The following MSI2 variants were observed in gnomAD, a reference collection of about 807,000 sequenced individuals.
The protein encoded by MSI2 is RNA-binding protein Musashi homolog 2.
A neutral mutation model predicts 45.6 loss-of-function variants in MSI2; 17 were observed. The ratio of observed to expected loss-of-function variants is 0.37; its 90% CI spans 0.26 to 0.56. The LOEUF (loss-of-function observed/expected upper bound fraction) is 0.56, where lower values mean the gene tolerates loss of function less well. Among genes scored for constraint, MSI2 ranks in the 20% least tolerant of loss-of-function variants. MSI2 has a pLI of 0.77. For synonymous variants in MSI2, 156 were observed against 158.2 expected (o/e 0.99, Z 0.11); for missense variants, 293 against 444.2 (o/e 0.66, Z 3.06).
chr17:57,599,823 G>A (rs1905668555), intron 8 of MSI2, among the ~76,000 whole-genome samples: 1 of 152,188 alleles, frequency 6.6e-6, no homozygotes, highest in African/African-American at 2.4e-5. Context: ...GTAAGACAGG[G>A]CTGGTAATGA....
Position 57,347,368 on chromosome 17 carries a change from G to T in MSI2, c.313-54011G>T, listed in dbSNP as rs534281037. On this transcript the variant is annotated intron_variant, in intron 5 of 13. Coordinates refer to ENST00000284073, the MANE Select transcript of MSI2 (RefSeq NM_138962.4). ...TAGCTCTTTTAAAATGATCTTAGCC[G>T]TTATTTTAAAATAATGAGTGTGGCA... 7.2e-5 allele frequency among the ~76,000 whole-genome samples: 11 copies of T among 152,234 alleles called. No homozygotes were observed. The South Asian group carries it at 2.1e-3, about 29-fold the overall frequency.
At chr17:57,700,636 C>T in the MSI2 span, among the ~76,000 whole-genome samples, 1 of 152,186 alleles carries the variant, frequency 6.6e-6, no homozygotes, top group African/African-American at 2.4e-5. Context: ...GGCGCGGTTG[C>T]TCATGCCTGT....
chr17:57,256,241 G>T, upstream of MSI2, among the ~76,000 whole-genome samples: 1 of 151,858 alleles, frequency 6.6e-6, no homozygotes, highest in Non-Finnish European at 1.5e-5. Context: ...GTCGGGGTGC[G>T]CTCCCCCTCG....
chr17:57,341,252 T>C (rs1015206230), intron 5 of MSI2, among the ~76,000 whole-genome samples: 13 of 152,152 alleles, frequency 8.5e-5, no homozygotes, highest in African/African-American at 2.9e-4. Flanking sequence ...TCGGAAATAA[T>C]CTGCATCTTA....
chr17:57,674,434 T>C (rs940400613), intron 11 of MSI2, among the ~76,000 whole-genome samples: 1 of 152,142 alleles, frequency 6.6e-6, no homozygotes, highest in Admixed American at 6.5e-5. Flanking sequence ...AAAGATTTTT[T>C]TTTTCCTGGA....
chr17:57,564,446 T>C (rs796357528), intron 7 of MSI2, among the ~76,000 whole-genome samples: 8 of 152,248 alleles, frequency 5.3e-5, no homozygotes, highest in African/African-American at 1.9e-4. Context: ...TGGGCCTCAG[T>C]GGGTCCAAGT....
intron 6 of MSI2, among the ~76,000 whole-genome samples, chr17:57,526,378 TGTGTGTGTGTGTGTGTGTGTGTGTGTG>T (rs2086699814): frequency 1.2e-5 from 1 of 86,854 alleles, no homozygotes; most frequent in Non-Finnish European, 2.2e-5. Context: ...TGTGTGTGTG[TGTGTGTGTGTGTGTGTGTGTGTGTGTG>T]TGTGACAGAG....
chr17:57,699,858 C>T, the MSI2 span, among the ~76,000 whole-genome samples: 1 of 152,248 alleles, frequency 6.6e-6, no homozygotes, highest in East Asian at 1.9e-4. Flanking sequence ...CGCCACCCCT[C>T]CCACAGGTCT....
chr17:57,661,352 G>A (rs1911976359), intron 11 of MSI2, among the ~76,000 whole-genome samples: 1 of 152,210 alleles, frequency 6.6e-6, no homozygotes, highest in South Asian at 2.1e-4. Flanking sequence ...AGGGCCTGGA[G>A]AATTTGGAGT....
chr17:57,621,324 T>C (rs144196050), intron 9 of MSI2, among the ~76,000 whole-genome samples: 46 of 152,344 alleles, frequency 3.0e-4, no homozygotes, highest in African/African-American at 1.1e-3. Context: ...ACCAATGAAA[T>C]TAGACGAGGT....
intron 8 of MSI2, among the ~76,000 whole-genome samples, chr17:57,604,331 G>T (rs1906282300): frequency 6.6e-6 from 1 of 152,190 alleles, no homozygotes; most frequent in Admixed American, 6.5e-5. Flanking sequence ...ATCATTCTTA[G>T]AATTATTTTA....
chr17:57,502,632 T>G (rs1320399498), intron 6 of MSI2, among the ~76,000 whole-genome samples: 21 of 127,612 alleles, frequency 1.6e-4, no homozygotes, highest in African/African-American at 3.2e-4. Context: ...TATATATATA[T>G]ATATAGTCAT....
At chr17:57,527,302 A>G (rs1407174081) in intron 6 of MSI2, among the ~76,000 whole-genome samples, 1 of 140,698 alleles carries the variant, frequency 7.1e-6, no homozygotes, top group Non-Finnish European at 1.5e-5. Context: ...TCGAATTCCT[A>G]TTGAGTCCCA....
At chr17:57,289,782 G>A (rs1378612397) in intron 5 of MSI2, among the ~76,000 whole-genome samples, 1 of 152,242 alleles carries the variant, frequency 6.6e-6, no homozygotes, top group African/African-American at 2.4e-5. Context: ...TCCCTCTGCT[G>A]CAGGAGTGCT....
In MSI2 at chr17:57,487,481, T is replaced by A. The variant is rs543182138; in HGVS notation, c.406-42195T>A. ...GTGTCCTCATCACTCATCCATCAAG[T>A]GACAAAACTCTTCTCTTAACCTTCA... On this transcript the variant is annotated intron_variant, in intron 6 of 13. Transcript: ENST00000284073. Among the ~76,000 whole-genome samples, 70 of 152,302 alleles carry A rather than the reference T, an allele frequency of 4.6e-4. No individual in the cohort carries two copies. In the South Asian group the frequency reaches 0.014, roughly 31 times the overall value.
chr17:57,563,098 CAA>C (rs59975200), intron 7 of MSI2, among the ~76,000 whole-genome samples: 8,536 of 71,080 alleles, frequency 0.12, 176 homozygotes, highest in Middle Eastern at 0.18. Flanking sequence ...ACTTCGTCTC[CAA>C]AAAAAAAAAA....
At chr17:57,423,545 C>G (rs990563405) in intron 6 of MSI2, among the ~76,000 whole-genome samples, 10 of 152,170 alleles carry the variant, frequency 6.6e-5, no homozygotes, top group Non-Finnish European at 1.3e-4. Context: ...GTGTCTGTTG[C>G]GTGGATCACC....
intron 6 of MSI2, among the ~76,000 whole-genome samples, chr17:57,403,537 T>C (rs2084029869): frequency 6.6e-6 from 1 of 152,236 alleles, no homozygotes; most frequent in Non-Finnish European, 1.5e-5. Context: ...TCTGGCAGGA[T>C]GTGCAGACTT....
At chr17:57,666,566 T>C (rs1912382896) in intron 11 of MSI2, among the ~76,000 whole-genome samples, 1 of 152,256 alleles carries the variant, frequency 6.6e-6, no homozygotes, top group South Asian at 2.1e-4. Flanking sequence ...AATTCTTACA[T>C]AGCTTTTCAT....
Sources: gnomAD v4.1 joint callset for allele counts (sites outside exome capture counted in the v4.1 genomes callset) on GRCh38, gnomAD v4.1.1 for gene constraint, MANE v1.5 for transcripts, NCBI Gene and HGNC (gene_info 2026-07-23, HGNC 2026-07-21) for gene names.